Variants in EPB41 observed in about 807,000 individuals in gnomAD.
The protein encoded by EPB41 is protein 4.1.
EPB41 carries 65 observed loss-of-function variants against 108.0 expected under a neutral mutation model. The ratio of observed to expected loss-of-function variants is 0.60; its 90% CI spans 0.49 to 0.74. EPB41 has a LOEUF of 0.74. Among genes scored for constraint, EPB41 ranks in the 30% least tolerant of loss-of-function variants. The pLI is 0.00. For synonymous variants in EPB41, 336 were observed against 358.9 expected (o/e 0.94, Z 0.72); for missense variants, 875 against 1,037.0 (o/e 0.84, Z 2.15).
rs112336824 is a variant in EPB41 at position 28,975,897 on chromosome 1, C to T, written c.-7-11534C>T. Among the ~76,000 whole-genome samples the T allele has an allele frequency of 3.3e-3, 485 of 147,004 alleles. 3 individuals carry two copies. The highest frequency in any genetic ancestry group is 8.1e-3 in the Admixed American group (118 of 14,644). On this transcript the variant is annotated intron_variant, in intron 1 of 20. Transcript: ENST00000343067. The stretch of plus-strand genomic sequence containing the variant: ...CGGAGCTTGCAGTGAGCTGAGATCC[C>T]GCCACTGCACTCCAGCCTGGGTGAC...
intron 16 of EPB41, among the ~76,000 whole-genome samples, chr1:29,082,169 G>C (rs965980585): frequency 6.6e-6 from 1 of 152,116 alleles, no homozygotes; most frequent in African/African-American, 2.4e-5. Context: ...CTGTCACCCC[G>C]GCTGGAGTGC....
At position 28,962,830 on chromosome 1, in the gene EPB41, A is replaced by G. The variant is rs1255919508; in HGVS notation, c.-7-24601A>G. On this transcript the variant is annotated intron_variant, in intron 1 of 20. Coordinates refer to ENST00000343067, the MANE Select transcript of EPB41 (RefSeq NM_001376013.1). The stretch of plus-strand genomic sequence containing the variant: ...TGCTGGAGCATTTATGGCTCGCAGT[A>G]TGTGTTGAACTGTCAGTAGTTGGGT... Among the ~76,000 whole-genome samples the G allele has an allele frequency of 5.9e-5, 9 of 152,264 alleles. No homozygotes were observed. The Middle Eastern group carries it at 0.01, about 173-fold the overall frequency.
intron 1 of EPB41, among the ~76,000 whole-genome samples, chr1:28,901,511 C>T (rs1364473878): frequency 1.3e-5 from 2 of 152,000 alleles, no homozygotes; most frequent in African/African-American, 4.8e-5. Context: ...GCGTGAGCCA[C>T]TGCACTCGGC....
At chr1:28,900,859 A>G (rs919125934) in intron 1 of EPB41, among the ~76,000 whole-genome samples, 2 of 152,168 alleles carry the variant, frequency 1.3e-5, no homozygotes, top group South Asian at 2.1e-4. Flanking sequence ...ACACTTTTGT[A>G]GCTTGTTCTC....
At chr1:28,955,094 A>C (rs2094891169) in intron 1 of EPB41, among the ~76,000 whole-genome samples, 1 of 152,210 alleles carries the variant, frequency 6.6e-6, no homozygotes. Flanking sequence ...AAAGCCTCCA[A>C]GAGTCCATGG....
At chr1:29,061,476 A>G (rs1204871505) in intron 15 of EPB41, among the ~76,000 whole-genome samples, 3 of 150,014 alleles carry the variant, frequency 2.0e-5, no homozygotes, top group Middle Eastern at 3.4e-3. Context: ...TCACTGTGTT[A>G]GCCAGGATGG....
intron 15 of EPB41, 34 bp downstream of exon 15, chr1:29,060,518 T>G: frequency 1.3e-6 from 2 of 1,580,376 alleles, no homozygotes; most frequent in South Asian, 2.2e-5. Flanking sequence ...TTCAGTTGGT[T>G]GCCTGGAACC....
chr1:29,047,002 G>C (rs924636978), intron 11 of EPB41, among the ~76,000 whole-genome samples: 3 of 151,950 alleles, frequency 2.0e-5, no homozygotes, highest in African/African-American at 7.3e-5. Flanking sequence ...GTTTATGCTG[G>C]TCTCATAAAA....
chr1:29,080,013 A>G (rs978998290), intron 16 of EPB41, among the ~76,000 whole-genome samples: 1 of 152,066 alleles, frequency 6.6e-6, no homozygotes, highest in South Asian at 2.1e-4. Flanking sequence ...AAAGAAAAAA[A>G]TATATATTTC....
chr1:29,025,089 CT>C (rs1003568663), intron 7 of EPB41, among the ~76,000 whole-genome samples: 3 of 152,012 alleles, frequency 2.0e-5, no homozygotes, highest in Non-Finnish European at 4.4e-5. Context: ...AGTAGTGGCC[CT>C]TTGCCCAGAC....
intron 4 of EPB41, among the ~76,000 whole-genome samples, chr1:29,006,017 C>T (rs6686151): frequency 0.17 from 25,790 of 152,004 alleles, 2,706 homozygotes; most frequent in East Asian, 0.47. Flanking sequence ...GAATCCATAC[C>T]ACTGAAAATA....
intron 17 of EPB41, among the ~76,000 whole-genome samples, chr1:29,103,778 C>T (rs1441866652): frequency 1.3e-5 from 2 of 152,166 alleles, no homozygotes; most frequent in Admixed American, 6.6e-5. Flanking sequence ...AGCAATTCTC[C>T]AGCCTCAGCC....
chr1:28,989,026 C>T (rs570451588), intron 2 of EPB41, among the ~76,000 whole-genome samples: 5 of 152,248 alleles, frequency 3.3e-5, no homozygotes, highest in South Asian at 2.1e-4. Context: ...AGGAACAGGA[C>T]GGTTATCAGC....
chr1:29,076,283 A>G (rs1391482746), intron 16 of EPB41, among the ~76,000 whole-genome samples: 1 of 152,132 alleles, frequency 6.6e-6, no homozygotes. Context: ...TGTGTTGCCC[A>G]CTGTGGATTA....
intron 1 of EPB41, among the ~76,000 whole-genome samples, chr1:28,920,594 G>A (rs765792858): frequency 1.7e-4 from 26 of 152,104 alleles, no homozygotes; most frequent in Admixed American, 6.6e-4. Context: ...GAAACTCCCC[G>A]TGATTTAACT....
rs779550116 is a variant in EPB41, at chr1:29,109,358, T to G, written c.2336T>G (p.Leu779Trp). The change falls in exon 18 of 21, where the codon TTG becomes TGG. Residue 779 changes from leucine to tryptophan, a missense_variant. Leu to Trp is a moderately conservative substitution (Grantham distance 61). Around this residue, in one of 3 missense-constraint regions of EPB41, gnomAD observed 519 missense variants for 627.3 expected, o/e 0.83. Transcript: ENST00000343067. ...AAQTDDNSGD[L>W]DPGVLLTAQT... ...CAGACTGACGACAACAGTGGAGACT[T>G]GGACCCAGGAGTCTTGCTGACAGCT... The G allele has an allele frequency of 6.2e-7, 1 of 1,614,136 alleles. No homozygotes were observed. The highest frequency in any genetic ancestry group is 1.7e-5 in the Admixed American group (1 of 60,002).
At chr1:28,945,183 A>G (rs1397364257) in intron 1 of EPB41, among the ~76,000 whole-genome samples, 1 of 152,054 alleles carries the variant, frequency 6.6e-6, no homozygotes, top group Non-Finnish European at 1.5e-5. Flanking sequence ...TGTTCTTACT[A>G]ATAATGATAT....
intron 1 of EPB41, among the ~76,000 whole-genome samples, chr1:28,947,758 G>GAGGTTGCAGTGAGCTAAGATC (rs1553183468): frequency 2.0e-5 from 3 of 152,180 alleles, no homozygotes; most frequent in South Asian, 4.1e-4. Flanking sequence ...CCAGGAGTCG[G>GAGGTTGCAGTGAGCTAAGATC]AGGTTGCAGT....
chr1:29,003,644 T>C (rs1017421335), intron 4 of EPB41, among the ~76,000 whole-genome samples: 3 of 152,242 alleles, frequency 2.0e-5, no homozygotes, highest in African/African-American at 7.2e-5. Context: ...CTTTGTGCTT[T>C]GTTTGTAGAC....
Sources: gnomAD v4.1 joint callset for allele counts (sites outside exome capture counted in the v4.1 genomes callset) on GRCh38, gnomAD v4.1.1 for gene constraint, gnomAD v4.1.1 regional missense constraint, MANE v1.5 for transcripts, NCBI Gene and HGNC (gene_info 2026-07-23, HGNC 2026-07-21) for gene names.